Variants in LDB2 observed in about 807,000 individuals in gnomAD.
LDB2 encodes LIM domain binding 2, also known as LIM domain-binding protein 2.
Under a neutral mutation model 44.3 loss-of-function variants are expected in LDB2, and 12 were observed. The ratio of observed to expected loss-of-function variants is 0.27; its 90% CI spans 0.17 to 0.44. The LOEUF (loss-of-function observed/expected upper bound fraction) is 0.44, where lower values mean the gene tolerates loss of function less well. LDB2 is among the 20% of genes least tolerant of loss of function. The pLI is 1.00. For synonymous variants in LDB2, 164 were observed against 174.8 expected, an observed-to-expected ratio of 0.94 and a Z score of 0.49; for missense variants, 344 against 473.5, an observed-to-expected ratio of 0.73 and a Z score of 2.54.
chr4:16,715,295 G>T (rs1418949781), intron 2 of LDB2, among the ~76,000 whole-genome samples: 1 of 152,182 alleles, frequency 6.6e-6, no homozygotes, highest in Non-Finnish European at 1.5e-5. Flanking sequence ...CCAACCTTAT[G>T]CAGATTATAG....
chr4:16,550,189 C>T (rs557040526), intron 5 of LDB2, among the ~76,000 whole-genome samples: 1 of 152,282 alleles, frequency 6.6e-6, no homozygotes, highest in Admixed American at 6.5e-5. Flanking sequence ...TTTATTCAAC[C>T]CTCTTCATTC....
intron 2 of LDB2, among the ~76,000 whole-genome samples, chr4:16,689,735 C>G (rs1040713470): frequency 2.0e-5 from 3 of 152,188 alleles, no homozygotes; most frequent in African/African-American, 7.2e-5. Flanking sequence ...AAATGAGTAG[C>G]TTCTTATTGG....
chr4:16,787,743 C>T (rs1774778453), intron 1 of LDB2, among the ~76,000 whole-genome samples: 1 of 152,136 alleles, frequency 6.6e-6, no homozygotes, highest in African/African-American at 2.4e-5. Flanking sequence ...GGTGCACTTC[C>T]TATTGATTTT....
chr4:16,874,245 T>C (rs759832142), intron 1 of LDB2, among the ~76,000 whole-genome samples: 18 of 152,196 alleles, frequency 1.2e-4, no homozygotes, highest in Non-Finnish European at 1.8e-4. Flanking sequence ...TTCAGTTTTA[T>C]ATTATATTTA....
chr4:16,846,033 G>A lies in LDB2; in HGVS notation c.132+52321C>T, dbSNP rs544112717. Among the ~76,000 whole-genome samples, 249 of 150,484 alleles carry A rather than the reference G, an allele frequency of 1.7e-3. 1 individual carries two copies. The highest frequency in any genetic ancestry group is 3.4e-3 in the Middle Eastern group (1 of 290). ...CTGAGGCAGGAGGATGGGATGGGGT[G>A]AACCCGGGAGGCAGAGCTTGCAGTG... On this transcript the variant is annotated intron_variant, in intron 1 of 7. Coordinates refer to ENST00000304523, the MANE Select transcript of LDB2 (RefSeq NM_001290.5).
chr4:16,758,529 T>A (rs76716863), intron 2 of LDB2, among the ~76,000 whole-genome samples: 6,834 of 152,284 alleles, frequency 0.045, 189 homozygotes, highest in Middle Eastern at 0.071. Context: ...TCTGACAAGT[T>A]GGCTGAACCT....
At chr4:16,707,215 T>G (rs1754798962) in intron 2 of LDB2, among the ~76,000 whole-genome samples, 1 of 152,136 alleles carries the variant, frequency 6.6e-6, no homozygotes, top group African/African-American at 2.4e-5. Context: ...TTTGGGTCAT[T>G]TTATGCCACT....
At chr4:16,591,730 A>G (rs1719031579) in intron 3 of LDB2, among the ~76,000 whole-genome samples, 1 of 152,196 alleles carries the variant, frequency 6.6e-6, no homozygotes, top group Admixed American at 6.5e-5. Flanking sequence ...CAAATAAGAA[A>G]AAATATATAT....
In LDB2 at chr4:16,897,971, T is replaced by TATAC. The variant is rs1225967244; in HGVS notation, c.132+379_132+382dup. On this transcript the variant is annotated intron_variant, in intron 1 of 7. Transcript: ENST00000304523. ...GTATATATATATATATATATATATA[T>TATAC]ATACACATATGTATATATATATATA... 1.1e-4 allele frequency among the ~76,000 whole-genome samples: 8 copies of TATAC among 75,726 alleles called. No homozygotes were observed. In the Admixed American group the frequency reaches 1.5e-3, roughly 14 times the overall value. The allele number at this position is 75,726 out of a possible 152,430, so 49.7% of individuals were successfully genotyped here.
intron 2 of LDB2, among the ~76,000 whole-genome samples, chr4:16,642,552 A>G (rs1342229729): frequency 6.6e-6 from 1 of 152,220 alleles, no homozygotes; most frequent in Non-Finnish European, 1.5e-5. Context: ...GCATGAAGGA[A>G]CAAGATAACA....
intron 2 of LDB2, among the ~76,000 whole-genome samples, chr4:16,724,357 G>A (rs1315318640): frequency 2.0e-5 from 3 of 151,076 alleles, no homozygotes; most frequent in East Asian, 3.9e-4. Context: ...TGGGCACCTG[G>A]GTACAGGGAA....
In LDB2 at chr4:16,887,220, G is replaced by GA. The variant is rs77393745; in HGVS notation, c.132+11133dup. On this transcript the variant is annotated intron_variant, in intron 1 of 7. Transcript: ENST00000304523. ...TAGTGACAGGAGAGTGCTAAGACTT[G>GA]AAAAAAAAAAAAAAGAAAAAGAATA... is the stretch of plus-strand genomic sequence containing the variant. Among the ~76,000 whole-genome samples the GA allele has an allele frequency of 5.5e-3, 701 of 128,576 alleles. 5 individuals carry two copies. The highest frequency in any genetic ancestry group is 0.014 in the African/African-American group (504 of 35,516). The allele number at this position is 128,576 out of a possible 152,430, so 84.4% of individuals were successfully genotyped here. A position where few individuals can be genotyped will look rare whatever the true frequency, so the allele number is the denominator to read the frequency against.
chr4:16,704,205 C>T (rs1182118932), intron 2 of LDB2, among the ~76,000 whole-genome samples: 1 of 152,190 alleles, frequency 6.6e-6, no homozygotes, highest in Non-Finnish European at 1.5e-5. Flanking sequence ...ACTACAAAAA[C>T]CCCTGTCCCT....
chr4:16,653,357 C>T (rs948057465), intron 2 of LDB2, among the ~76,000 whole-genome samples: 2 of 152,166 alleles, frequency 1.3e-5, no homozygotes, highest in Non-Finnish European at 2.9e-5. Flanking sequence ...TTACATGTGG[C>T]AATATCGAGC....
chr4:16,850,177 G>A (rs1787899475), intron 1 of LDB2, among the ~76,000 whole-genome samples: 2 of 152,216 alleles, frequency 1.3e-5, no homozygotes, highest in Non-Finnish European at 1.5e-5. Flanking sequence ...CTTTCTGTGA[G>A]TCTGTTATGG....
chr4:16,856,337 A>C (rs1789340446), intron 1 of LDB2, among the ~76,000 whole-genome samples: 1 of 152,176 alleles, frequency 6.6e-6, no homozygotes, highest in Non-Finnish European at 1.5e-5. Context: ...TAAAATTTTC[A>C]AAATTAATAA....
chr4:16,671,862 T>C (rs1004386726), intron 2 of LDB2, among the ~76,000 whole-genome samples: 24 of 151,722 alleles, frequency 1.6e-4, no homozygotes, highest in African/African-American at 5.8e-4. Context: ...AAAGAAGTAA[T>C]AGTTGCTTTC....
chr4:16,517,823 C>T lies in LDB2; in HGVS notation c.616-5719G>A, dbSNP rs192554041. Reference sequence around the variant, plus strand: ...CTCTTTTTTCTGGAGATTCTGGCCCCAACACTGACCCTTTGGTATGAAATT... The same window carrying T: ...CTCTTTTTTCTGGAGATTCTGGCCCTAACACTGACCCTTTGGTATGAAATT... On this transcript the variant is annotated intron_variant, in intron 5 of 7. Transcript: ENST00000304523. Among the ~76,000 whole-genome samples, 169 of 152,188 alleles carry T rather than the reference C, an allele frequency of 1.1e-3. 1 individual carries two copies. The highest frequency in any genetic ancestry group is 3.7e-3 in the African/African-American group (154 of 41,540).
chr4:16,798,178 G>C (rs577913512), intron 1 of LDB2, among the ~76,000 whole-genome samples: 7 of 152,112 alleles, frequency 4.6e-5, no homozygotes, highest in African/African-American at 1.4e-4. Context: ...TTATATAAAT[G>C]AATATTCCTC....
Sources: gnomAD v4.1 joint callset for allele counts (sites outside exome capture counted in the v4.1 genomes callset) on GRCh38, gnomAD v4.1.1 for gene constraint, MANE v1.5 for transcripts, NCBI Gene and HGNC (gene_info 2026-07-23, HGNC 2026-07-21) for gene names.